SCFD2: variants seen among roughly 807,000 people sequenced by gnomAD.
SCFD2 encodes the protein sec1 family domain containing 2, also known as sec1 family domain-containing protein 2.
In SCFD2, 54 loss-of-function variants were observed where a neutral mutation model predicts 58.9. The observed-to-expected ratio is 0.92, with a 90% CI of 0.74 to 1.15. The LOEUF (loss-of-function observed/expected upper bound fraction) is 1.15. SCFD2 is among the 50% of genes most tolerant of loss of function. The pLI, the probability that SCFD2 is intolerant of heterozygous loss-of-function variation, is 0.00. For missense variants in SCFD2, 805 were observed against 836.6 expected, an observed-to-expected ratio of 0.96 and a Z score of 0.47; for synonymous variants, 321 against 335.9, an observed-to-expected ratio of 0.96 and a Z score of 0.49.
chr4:53,007,337 A>AGAGAGAGAGAGAGG (rs1192264084), intron 5 of SCFD2, among the ~76,000 whole-genome samples: 2 of 122,132 alleles, frequency 1.6e-5, no homozygotes, highest in African/African-American at 6.0e-5. Flanking sequence ...AGAGAGAGGG[A>AGAGAGAGAGAGAGG]GAGAGAGAGA....
At chr4:53,194,196 T>G (rs1727992769) in intron 4 of SCFD2, among the ~76,000 whole-genome samples, 1 of 152,174 alleles carries the variant, frequency 6.6e-6, no homozygotes, top group South Asian at 2.1e-4. Flanking sequence ...CACTTTTGTC[T>G]CTTCTTCCAT....
At chr4:53,201,884 C>A (rs1263263320) in intron 4 of SCFD2, among the ~76,000 whole-genome samples, 7 of 152,084 alleles carry the variant, frequency 4.6e-5, no homozygotes, top group Non-Finnish European at 8.8e-5. Flanking sequence ...TTGATTTTTT[C>A]TTGTAAATTT....
At chr4:53,202,845 A>G (rs959373843) in intron 4 of SCFD2, among the ~76,000 whole-genome samples, 3 of 152,154 alleles carry the variant, frequency 2.0e-5, no homozygotes, top group Non-Finnish European at 4.4e-5. Context: ...ATTGGTGTAT[A>G]AGAATGCTTG....
At chr4:53,164,609 C>A (rs1361046880) in intron 4 of SCFD2, among the ~76,000 whole-genome samples, 1 of 152,098 alleles carries the variant, frequency 6.6e-6, no homozygotes, top group Non-Finnish European at 1.5e-5. Flanking sequence ...GATTGGCCAA[C>A]ATGGCAAAAC....
chr4:53,212,392 T>G (rs1047850153), intron 4 of SCFD2, among the ~76,000 whole-genome samples: 3 of 151,878 alleles, frequency 2.0e-5, no homozygotes, highest in African/African-American at 7.3e-5. Context: ...AGTCAGCAGG[T>G]GTTTGTCCAT....
chr4:53,081,240 T>G (rs944876932), intron 5 of SCFD2, among the ~76,000 whole-genome samples: 8 of 152,176 alleles, frequency 5.3e-5, no homozygotes, highest in Non-Finnish European at 7.3e-5. Flanking sequence ...CAACTCATCT[T>G]CTTTTTCAAA....
intron 3 of SCFD2, among the ~76,000 whole-genome samples, chr4:53,301,456 T>C (rs1435062191): frequency 3.3e-5 from 5 of 151,820 alleles, no homozygotes; most frequent in Admixed American, 1.3e-4. Context: ...AGGCAATAAT[T>C]AATAGCTTAC....
At chr4:53,218,176 T>C (rs1183437400) in intron 4 of SCFD2, among the ~76,000 whole-genome samples, 1 of 152,168 alleles carries the variant, frequency 6.6e-6, no homozygotes, top group African/African-American at 2.4e-5. Context: ...TTTCCGGAAT[T>C]GGAATGTTGG....
chr4:53,164,237 T>C (rs951490051), intron 4 of SCFD2, among the ~76,000 whole-genome samples: 28 of 152,142 alleles, frequency 1.8e-4, no homozygotes, highest in Admixed American at 1.8e-3. Context: ...TATGTTCCTC[T>C]AAAGATTCAC....
intron 2 of SCFD2, among the ~76,000 whole-genome samples, chr4:53,341,817 A>G (rs1560456838): frequency 6.6e-6 from 1 of 152,240 alleles, no homozygotes. Context: ...ATGCTTAAAG[A>G]AAAGAATTTT....
At chr4:53,100,324 T>C (rs1283694143) in intron 5 of SCFD2, among the ~76,000 whole-genome samples, 1 of 152,176 alleles carries the variant, frequency 6.6e-6, no homozygotes, top group Non-Finnish European at 1.5e-5. Flanking sequence ...TATAATAGTG[T>C]CTGGCACCTA....
At chr4:53,210,123 C>A (rs1453980995) in intron 4 of SCFD2, among the ~76,000 whole-genome samples, 3 of 152,000 alleles carry the variant, frequency 2.0e-5, no homozygotes, top group African/African-American at 7.3e-5. Flanking sequence ...TACCTTGAGC[C>A]AAAGAACCCT....
At chr4:52,899,073 A>G (rs1407664552) in intron 7 of SCFD2, among the ~76,000 whole-genome samples, 4 of 152,192 alleles carry the variant, frequency 2.6e-5, no homozygotes, top group Non-Finnish European at 5.9e-5. Context: ...TCCTGAATAC[A>G]GCACACTGAT....
intron 4 of SCFD2, among the ~76,000 whole-genome samples, chr4:53,207,348 AT>A (rs1016558477): frequency 6.8e-5 from 10 of 146,772 alleles, no homozygotes; most frequent in Non-Finnish European, 7.5e-5. Flanking sequence ...AGAGGGGAGA[AT>A]TTTTTTTTAA....
chr4:53,331,943 C>T (rs1460926303), intron 2 of SCFD2, among the ~76,000 whole-genome samples: 3 of 152,164 alleles, frequency 2.0e-5, no homozygotes, highest in South Asian at 4.1e-4. Context: ...GAAATACAAA[C>T]TACCATCAGA....
chr4:53,102,493 GAACT>G (rs1724858245), intron 5 of SCFD2, among the ~76,000 whole-genome samples: 1 of 151,610 alleles, frequency 6.6e-6, no homozygotes, highest in Admixed American at 6.6e-5. Context: ...ATAATATAAA[GAACT>G]AATATTCATA....
At chr4:53,211,241 G>GAAAAAAAA (rs55830697) in intron 4 of SCFD2, among the ~76,000 whole-genome samples, 3 of 142,014 alleles carry the variant, frequency 2.1e-5, no homozygotes, top group Non-Finnish European at 1.5e-5. Flanking sequence ...GACTCCATGT[G>GAAAAAAAA]AAAAAAAAAA....
chr4:52,985,542 C>T (rs894711038), intron 5 of SCFD2, among the ~76,000 whole-genome samples: 16 of 151,924 alleles, frequency 1.1e-4, no homozygotes, highest in Middle Eastern at 6.8e-3. Flanking sequence ...GGAGAGGTTT[C>T]TAGCACCATA....
chr4:53,228,343 C>A (rs1729296188), intron 4 of SCFD2, among the ~76,000 whole-genome samples: 1 of 152,134 alleles, frequency 6.6e-6, no homozygotes, highest in South Asian at 2.1e-4. Flanking sequence ...ACATTTCTGA[C>A]AACATTAGAC....
Sources: allele counts gnomAD v4.1 joint callset (sites outside exome capture counted in the v4.1 genomes callset), GRCh38; gene constraint gnomAD v4.1.1; transcripts MANE v1.5; gene names NCBI Gene and HGNC (gene_info 2026-07-23, HGNC 2026-07-21).